The following RRP1B variants were observed in gnomAD, a reference collection of about 807,000 sequenced individuals.
RRP1B encodes the protein ribosomal RNA processing protein 1 homolog B.
In RRP1B, 56 loss-of-function variants were observed where a neutral mutation model predicts 80.2. That is an observed-to-expected ratio of 0.70 (90% CI 0.56 to 0.87). The LOEUF (loss-of-function observed/expected upper bound fraction) is 0.87, where lower values mean the gene tolerates loss of function less well. RRP1B is among the 40% of genes least tolerant of loss of function. The pLI, the probability that RRP1B is intolerant of heterozygous loss-of-function variation, is 0.00. For synonymous variants in RRP1B, 351 were observed against 357.6 expected, an observed-to-expected ratio of 0.98 and a Z score of 0.21; for missense variants, 807 against 939.8, an observed-to-expected ratio of 0.86 and a Z score of 1.85.
intron 8 of RRP1B, among the ~76,000 whole-genome samples, chr21:43,679,626 G>C (rs977725925): frequency 9.2e-5 from 14 of 152,088 alleles, no homozygotes; most frequent in African/African-American, 3.4e-4. Flanking sequence ...GCTCTTTTTT[G>C]ATTCCATATG....
chr21:43,680,554 A>G (rs2083039326), intron 8 of RRP1B, among the ~76,000 whole-genome samples: 1 of 151,334 alleles, frequency 6.6e-6, no homozygotes, highest in South Asian at 2.1e-4. Context: ...ACAGAGGGAG[A>G]CGCCATCTCA....
chr21:43,684,781 C>T (rs969340127), intron 10 of RRP1B, 131 bp downstream of exon 10: 4 of 706,606 alleles, frequency 5.7e-6, no homozygotes, highest in Non-Finnish European at 9.7e-6. Context: ...TTGTGTATAG[C>T]AATGTAATAG....
At chr21:43,669,851 A>G in intron 1 of RRP1B, 33 bp from the exon 2 acceptor site, 1 of 1,479,294 alleles carries the variant, frequency 6.8e-7, no homozygotes, top group South Asian at 1.2e-5. Flanking sequence ...AGATGCATAG[A>G]CTCTAAGATG....
Position 43,659,784 on chromosome 21 carries a change from G to A in RRP1B, c.120G>A (p.Gln40=), listed in dbSNP as rs958184001. Residue 40 remains glutamine, a synonymous_variant, in exon 1 of 16, where the codon CAG becomes CAA. Transcript: ENST00000340648. The surrounding 1 kb of genome is among the most constrained non-coding windows in gnomAD (Gnocchi z 4.2). The part of the protein sequence containing the change: ...KLRQYISVKT[Q]RETGGFSQEE... ...GCCAGTACATCAGCGTGAAGACGCA[G>A]AGGGAGACAGGTGGGCGCACGGCCG... 8 of 1,510,652 alleles carry A rather than the reference G, an allele frequency of 5.3e-6. No homozygotes were observed. Among genetic ancestry groups the A allele is most frequent in the Non-Finnish European group, 7.1e-6 (8 of 1,125,422 alleles). The allele number at this position is 1,510,652 out of a possible 1,614,324, so 93.6% of individuals were successfully genotyped here. A position where few individuals can be genotyped will look rare whatever the true frequency, so the allele number is the denominator to read the frequency against.
chr21:43,677,869 G>A (rs1300001071), intron 8 of RRP1B, among the ~76,000 whole-genome samples: 4 of 152,132 alleles, frequency 2.6e-5, no homozygotes, highest in South Asian at 2.1e-4. Context: ...TAGTATTCAC[G>A]GTGTATATTC....
chr21:43,664,668 G>C (rs536117979), intron 1 of RRP1B, among the ~76,000 whole-genome samples: 1 of 152,264 alleles, frequency 6.6e-6, no homozygotes, highest in Non-Finnish European at 1.5e-5. Flanking sequence ...CTGTTCTCAC[G>C]CTGCTAATAA....
intron 11 of RRP1B, chr21:43,686,370 T>G (rs1444263385): frequency 5.9e-6 from 1 of 168,994 alleles, no homozygotes; most frequent in African/African-American, 2.4e-5. Context: ...GTAAAAAATG[T>G]AATTTCTCAG....
At position 43,659,823 on chromosome 21, in the gene RRP1B, C is replaced by G; in HGVS notation, c.130+29C>G. 5.4e-6 allele frequency: 8 copies of G among 1,489,760 alleles called. No individual in the cohort carries two copies. The highest frequency in any genetic ancestry group is 2.2e-5 in the Admixed American group (1 of 45,270). 92.3% of individuals were successfully genotyped at this position (1,489,760 alleles called of 1,614,324 possible). ...GGCGCACGGCCGCGGTCAGCCGCGC[C>G]ACATGGCGGGCCGGGGGCCGGGGCT... On this transcript the variant is annotated intron_variant, in intron 1 of 15. Coordinates refer to ENST00000340648, the MANE Select transcript of RRP1B (RefSeq NM_015056.3). This position sits in a 1 kb window ranked among gnomAD's most constrained non-coding sequence, Gnocchi z 4.2.
intron 1 of RRP1B, among the ~76,000 whole-genome samples, chr21:43,664,408 T>G (rs1357010238): frequency 6.6e-6 from 1 of 152,160 alleles, no homozygotes; most frequent in African/African-American, 2.4e-5. Flanking sequence ...AGACAATTAT[T>G]ATTGTAATCT....
In RRP1B at chr21:43,691,425, T is replaced by C. The variant is rs2083085729; in HGVS notation, c.2020-14T>C. On this transcript the variant is annotated splice_polypyrimidine_tract_variant and intron_variant, in intron 14 of 15. Coordinates refer to ENST00000340648, the MANE Select transcript of RRP1B (RefSeq NM_015056.3). This position sits in a 1 kb window ranked among gnomAD's most constrained non-coding sequence, Gnocchi z 4.2. ...TGCGTCACTCCTTTTGTTCCTGTTA[T>C]TTCTCTTCTGCAGCTAAACAAGACA... The C allele has an allele frequency of 1.2e-6, 2 of 1,613,714 alleles. No homozygotes were observed. The highest frequency in any genetic ancestry group is 1.7e-6 in the Non-Finnish European group (2 of 1,179,696).
At chr21:43,674,499 G>T (rs1464256507) in intron 4 of RRP1B, 137 bp from the exon 5 acceptor site, 2 of 662,300 alleles carry the variant, frequency 3.0e-6, no homozygotes, top group Non-Finnish European at 5.1e-6. Context: ...TGACTGTTGT[G>T]AATATTTTTT....
At chr21:43,679,848 A>G (rs1014443745) in intron 8 of RRP1B, among the ~76,000 whole-genome samples, 1 of 152,086 alleles carries the variant, frequency 6.6e-6, no homozygotes, top group Non-Finnish European at 1.5e-5. Flanking sequence ...CCTTGTAGAG[A>G]TCTTTCACAT....
intron 1 of RRP1B, among the ~76,000 whole-genome samples, chr21:43,663,956 A>G (rs947969069): frequency 2.0e-5 from 3 of 152,248 alleles, no homozygotes; most frequent in African/African-American, 7.2e-5. Flanking sequence ...AAGAAAATAG[A>G]GAAGACAAGA....
rs534375041 is a variant in RRP1B at position 43,687,989 on chromosome 21, A to G, written c.1615A>G (p.Thr539Ala). The G allele has an allele frequency of 3.1e-6, 5 of 1,612,956 alleles. No individual in the cohort carries two copies. The highest frequency in any genetic ancestry group is 4.2e-6 in the Non-Finnish European group (5 of 1,179,888). The change falls in exon 13 of 16, where the codon ACG becomes GCG. Residue 539 changes from threonine to alanine, a missense_variant. Transcript: ENST00000340648. Reference protein sequence around the residue: ...VVPVNGSGLSTPAWPPLQQEG... With the variant: ...VVPVNGSGLSAPAWPPLQQEG... Reference sequence around the variant, plus strand: ...GCCCGTCAATGGCAGTGGCCTGTCCACGCCGGCCTGGCCTCCATTGCAGCA... The same window carrying G: ...GCCCGTCAATGGCAGTGGCCTGTCCGCGCCGGCCTGGCCTCCATTGCAGCA...
At chr21:43,672,775 ATTAG>A (rs559317556) in intron 3 of RRP1B, among the ~76,000 whole-genome samples, 1 of 152,162 alleles carries the variant, frequency 6.6e-6, no homozygotes, top group Non-Finnish European at 1.5e-5. Context: ...GAGAAAAAAA[ATTAG>A]TTAGGGTGCT....
intron 8 of RRP1B, among the ~76,000 whole-genome samples, chr21:43,679,129 C>T (rs1434473780): frequency 6.6e-6 from 1 of 152,082 alleles, no homozygotes; most frequent in Admixed American, 6.6e-5. Flanking sequence ...ATACCAGTAC[C>T]AGTACCATGC....
chr21:43,684,746 C>A, intron 10 of RRP1B, 96 bp downstream of exon 10: 1 of 1,023,174 alleles, frequency 9.8e-7, no homozygotes, highest in Non-Finnish European at 1.5e-6. Context: ...TTTTTTCTTT[C>A]TTCTTTTTTT....
At chr21:43,676,144 G>T in intron 6 of RRP1B, 128 bp from the exon 7 acceptor site, 1 of 664,534 alleles carries the variant, frequency 1.5e-6, no homozygotes. Flanking sequence ...GGGCGCTTTG[G>T]GGCTGTGTGA....
rs146078394 is a variant in RRP1B at position 43,685,998 on chromosome 21, G to A, written c.1009+209G>A. On this transcript the variant is annotated intron_variant, in intron 11 of 15. Coordinates refer to ENST00000340648, the MANE Select transcript of RRP1B (RefSeq NM_015056.3). ...TAGCCAGGCGTGGTGGCGTGATCCTGTAGTCCCAGTCACTTGGGAGTCTAA... is the reference window on the plus strand; with the variant it reads ...TAGCCAGGCGTGGTGGCGTGATCCTATAGTCCCAGTCACTTGGGAGTCTAA... The A allele has an allele frequency of 8.4e-4, 359 of 428,952 alleles. 2 individuals carry two copies. In the East Asian group the frequency reaches 0.012, roughly 15 times the overall value. The allele number at this position is 428,952 out of a possible 1,614,324, so 26.6% of individuals were successfully genotyped here.
Sources: gnomAD v4.1 joint callset for allele counts (sites outside exome capture counted in the v4.1 genomes callset) on GRCh38, gnomAD v4.1.1 for gene constraint, Gnocchi (gnomAD v3.1) non-coding constraint, MANE v1.5 for transcripts, NCBI Gene and HGNC (gene_info 2026-07-23, HGNC 2026-07-21) for gene names.